UBE2J2: variants seen among roughly 807,000 people sequenced by gnomAD.
UBE2J2 encodes ubiquitin conjugating enzyme E2 J2.
A neutral mutation model predicts 28.6 loss-of-function variants in UBE2J2; 5 were observed. The observed-to-expected ratio is 0.17, with a 90% CI of 0.09 to 0.37. UBE2J2 has a LOEUF of 0.37. UBE2J2 is among the 10% of genes least tolerant of loss of function. UBE2J2 has a pLI of 1.00. For synonymous variants in UBE2J2, 138 were observed against 139.7 expected, an observed-to-expected ratio of 0.99 and a Z score of 0.09; for missense variants, 226 against 338.9, an observed-to-expected ratio of 0.67 and a Z score of 2.62.
chr1:1,265,983 C>T (rs1639837077), intron 2 of UBE2J2: 1 of 1,175,456 alleles, frequency 8.5e-7, no homozygotes, highest in Non-Finnish European at 1.1e-6. Context: ...ATCGAACCTG[C>T]ACCGGGACTT....
intron 5 of UBE2J2, 130 bp from the exon 6 acceptor site, chr1:1,256,255 C>G (rs1639165576): frequency 1.6e-6 from 1 of 640,440 alleles, no homozygotes; most frequent in African/African-American, 1.8e-5. Context: ...GCACACTCTT[C>G]ACAGCAAACT....
At position 1,256,987 on chromosome 1, in the gene UBE2J2, C is replaced by T; in HGVS notation, c.414+5G>A. 6.7e-7 allele frequency: 1 copy of T among 1,499,434 alleles called. No homozygotes were observed. Among genetic ancestry groups the T allele is most frequent in the Non-Finnish European group, 9.0e-7 (1 of 1,114,542 alleles). The allele number at this position is 1,499,434 out of a possible 1,614,324, so 92.9% of individuals were successfully genotyped here. ...GGCCCACCAGGGAGAGGCTCTAAAA[C>T]TTACCGTGAAGTCCGACGTCTCTAT... On this transcript the variant is annotated splice_donor_5th_base_variant and intron_variant, in intron 5 of 6. Coordinates refer to ENST00000349431, the MANE Select transcript of UBE2J2 (RefSeq NM_058167.3).
rs1639052816 is a variant in UBE2J2, at chr1:1,254,169, A to AG, written c.*1033dup. On this transcript the variant is annotated 3_prime_UTR_variant, in exon 7 of 7. Coordinates refer to ENST00000349431, the MANE Select transcript of UBE2J2 (RefSeq NM_058167.3). ...TCACGGAACAGACGCAGAAGAGGGGAGACGGCCGAGACCCGGGGAGCCACG... is the reference window on the plus strand; with the variant it reads ...TCACGGAACAGACGCAGAAGAGGGGAGGACGGCCGAGACCCGGGGAGCCACG... 6.6e-6 allele frequency: 1 copy of AG among 152,084 alleles called. No homozygotes were observed. The highest frequency in any genetic ancestry group is 2.1e-4 in the South Asian group (1 of 4,824). 9.4% of individuals were successfully genotyped at this position (152,084 alleles called of 1,614,324 possible).
At position 1,256,033 on chromosome 1, in the gene UBE2J2, C is replaced by G. The variant is rs769810061; in HGVS notation, c.495+12G>C. The G allele has an allele frequency of 1.3e-6, 2 of 1,591,714 alleles. No homozygotes were observed. Among genetic ancestry groups the G allele is most frequent in the Non-Finnish European group, 1.7e-6 (2 of 1,160,540 alleles). On this transcript the variant is annotated intron_variant, in intron 6 of 6. Transcript: ENST00000349431. The stretch of plus-strand genomic sequence containing the variant: ...CGCAGGGGAAGGCGAAACCCACTTC[C>G]GTCTTTCTTACCTCCACGACTTCAG...
chr1:1,265,973 A>G, intron 2 of UBE2J2: 1 of 1,115,270 alleles, frequency 9.0e-7, no homozygotes, highest in Non-Finnish European at 1.2e-6. Context: ...TTTGTGAATC[A>G]TCGAACCTGC....
At chr1:1,259,295 CGT>C (rs1557553394) in intron 3 of UBE2J2, among the ~76,000 whole-genome samples, 3 of 150,704 alleles carry the variant, frequency 2.0e-5, no homozygotes, top group South Asian at 2.1e-4. Context: ...CATCAGGACG[CGT>C]GTGCACGTGC....
intron 1 of UBE2J2, chr1:1,273,432 C>G (rs112741020): frequency 2.6e-5 from 4 of 152,264 alleles, no homozygotes; most frequent in African/African-American, 9.6e-5. Flanking sequence ...TGACGGGAAA[C>G]CCGGCCGAGT....
intron 3 of UBE2J2, 70 bp from the exon 4 acceptor site, chr1:1,257,380 A>ACCCC (rs1570539059): frequency 6.7e-6 from 2 of 297,458 alleles, no homozygotes; most frequent in Admixed American, 9.2e-5. Context: ...CCTCGTCCCC[A>ACCCC]TCCCCCCACG....
chr1:1,257,321 A>G lies in UBE2J2; in HGVS notation c.173-11T>C. 6.3e-7 allele frequency: 1 copy of G among 1,589,556 alleles called. No homozygotes were observed. Among genetic ancestry groups the G allele is most frequent in the Non-Finnish European group, 8.6e-7 (1 of 1,161,020 alleles). ...CATGATAATAGCCACCTACATGGAA[A>G]CAAAACAGAAAGGGCCTTGTCGTCC... On this transcript the variant is annotated splice_polypyrimidine_tract_variant and intron_variant, in intron 3 of 6. Coordinates refer to ENST00000349431, the MANE Select transcript of UBE2J2 (RefSeq NM_058167.3).
intron 1 of UBE2J2, among the ~76,000 whole-genome samples, chr1:1,271,974 CAAAAAA>C (rs60924258): frequency 8.7e-4 from 24 of 27,614 alleles, no homozygotes; most frequent in Middle Eastern, 0.025. Context: ...AACTCCGTCT[CAAAAAA>C]AAAAAAAAAA....
rs1033344034 is a variant in UBE2J2, at chr1:1,268,330, G to A, written c.1-338C>T. On this transcript the variant is annotated intron_variant, in intron 1 of 6. Coordinates refer to ENST00000349431, the MANE Select transcript of UBE2J2 (RefSeq NM_058167.3). This position sits in a 1 kb window ranked among gnomAD's most constrained non-coding sequence, Gnocchi z 4.7. Reference sequence around the variant, plus strand: ...AGGGGGTATTCGGGCCACAGCCTCAGACCAGCTCCTGAGGGCAGCTACTCG... The same window carrying A: ...AGGGGGTATTCGGGCCACAGCCTCAAACCAGCTCCTGAGGGCAGCTACTCG... 6.6e-6 allele frequency among the ~76,000 whole-genome samples: 1 copy of A among 152,128 alleles called. No homozygotes were observed. The highest frequency in any genetic ancestry group is 1.5e-5 in the Non-Finnish European group (1 of 68,038).
intron 2 of UBE2J2, among the ~76,000 whole-genome samples, chr1:1,266,919 G>A (rs1202693126): frequency 3.3e-5 from 5 of 151,478 alleles, no homozygotes; most frequent in South Asian, 4.2e-4. Flanking sequence ...ACAGAGTTTC[G>A]CTCTTGTTGC....
At position 1,254,892 on chromosome 1, in the gene UBE2J2, C is replaced by T; in HGVS notation, c.*311G>A. On this transcript the variant is annotated 3_prime_UTR_variant, in exon 7 of 7. Coordinates refer to ENST00000349431, the MANE Select transcript of UBE2J2 (RefSeq NM_058167.3). ...CAGCAAGTTTGCATTTCTAAGTGAC[C>T]ACATCTAATAAAATGAAAAACGGGT... 3.7e-6 allele frequency: 1 copy of T among 271,274 alleles called. No homozygotes were observed. The allele number at this position is 271,274 out of a possible 1,614,324, so 16.8% of individuals were successfully genotyped here.
At chr1:1,265,564 CGTGTGTGTGTGTGT>C (rs112951404) in intron 2 of UBE2J2, among the ~76,000 whole-genome samples, 16 of 143,236 alleles carry the variant, frequency 1.1e-4, no homozygotes, top group African/African-American at 2.9e-4. Flanking sequence ...AGTTTTCTCT[CGTGTGTGTGTGTGT>C]GTGTGTGTGT....
intron 2 of UBE2J2, 90 bp from the exon 3 acceptor site, chr1:1,263,476 G>T: frequency 4.3e-6 from 5 of 1,154,946 alleles, no homozygotes; most frequent in Non-Finnish European, 6.5e-6. Context: ...ATAGAACCCA[G>T]CCAAAATTAC....
In UBE2J2 at chr1:1,256,974, A is replaced by C; in HGVS notation, c.414+18T>G. Reference sequence around the variant, plus strand: ...ACACAAGGCTGACGGCCCACCAGGGAGAGGCTCTAAAACTTACCGTGAAGT... The same window carrying C: ...ACACAAGGCTGACGGCCCACCAGGGCGAGGCTCTAAAACTTACCGTGAAGT... On this transcript the variant is annotated intron_variant, in intron 5 of 6. Transcript: ENST00000349431. The C allele has an allele frequency of 1.4e-6, 2 of 1,472,462 alleles. No homozygotes were observed. The highest frequency in any genetic ancestry group is 9.1e-7 in the Non-Finnish European group (1 of 1,104,746). The allele number at this position is 1,472,462 out of a possible 1,614,324, so 91.2% of individuals were successfully genotyped here.
chr1:1,269,009 C>T (rs1474505632), intron 1 of UBE2J2, among the ~76,000 whole-genome samples: 1 of 152,210 alleles, frequency 6.6e-6, no homozygotes, highest in Non-Finnish European at 1.5e-5. Context: ...AGCCTCAAGG[C>T]AGATCATATC....
chr1:1,268,164 C>G lies in UBE2J2; in HGVS notation c.1-172G>C, dbSNP rs1245897465. Reference sequence around the variant, plus strand: ...TGCCACCCGCCCAGACACCCAGAGGCCCTGCGGCTTCTCTCTTCCCGTCTG... The same window carrying G: ...TGCCACCCGCCCAGACACCCAGAGGGCCTGCGGCTTCTCTCTTCCCGTCTG... On this transcript the variant is annotated intron_variant, in intron 1 of 6. Transcript: ENST00000349431. This position sits in a 1 kb window ranked among gnomAD's most constrained non-coding sequence, Gnocchi z 4.7. Among the ~76,000 whole-genome samples, 7 of 152,132 alleles carry G rather than the reference C, an allele frequency of 4.6e-5. No individual in the cohort carries two copies. The East Asian group carries it at 1.4e-3, about 29-fold the overall frequency.
At chr1:1,256,167 A>C in intron 5 of UBE2J2, 42 bp from the exon 6 acceptor site, 2 of 1,415,594 alleles carry the variant, frequency 1.4e-6, no homozygotes, top group Non-Finnish European at 2.0e-6. Flanking sequence ...AACTAATTTC[A>C]ATTCTTTCAA....
Sources: gnomAD v4.1 joint callset for allele counts (sites outside exome capture counted in the v4.1 genomes callset) on GRCh38, gnomAD v4.1.1 for gene constraint, Gnocchi (gnomAD v3.1) non-coding constraint, MANE v1.5 for transcripts, NCBI Gene and HGNC (gene_info 2026-07-23, HGNC 2026-07-21) for gene names.